RUVBL1: variants seen among roughly 807,000 people sequenced by gnomAD.
RUVBL1 encodes RuvB like AAA ATPase 1.
A neutral mutation model predicts 52.4 loss-of-function variants in RUVBL1; 4 were observed. The observed-to-expected ratio is 0.08, with a 90% confidence interval of 0.04 to 0.17. The LOEUF (loss-of-function observed/expected upper bound fraction) is 0.17. RUVBL1 is among the 10% of genes least tolerant of loss of function. The probability of loss-of-function intolerance (pLI) is 1.00; values close to 1 mark genes in which losing one functional copy is unlikely to be tolerated. For missense variants in RUVBL1, 298 were observed against 572.8 expected, an observed-to-expected ratio of 0.52 and a Z score of 4.90; for synonymous variants, 217 against 214.4, an observed-to-expected ratio of 1.01 and a Z score of -0.10.
At chr3:128,138,024 G>T (rs1328038969) in intron 1 of RUVBL1, among the ~76,000 whole-genome samples, 6 of 152,038 alleles carry the variant, frequency 3.9e-5, no homozygotes, top group Non-Finnish European at 8.8e-5. Context: ...AAAAAACTTG[G>T]CATAGAAGGA....
chr3:128,092,603 G>C (rs1053093564), intron 8 of RUVBL1, among the ~76,000 whole-genome samples: 1 of 152,004 alleles, frequency 6.6e-6, no homozygotes, highest in Non-Finnish European at 1.5e-5. Context: ...ATGAAAAGAC[G>C]CTCAACATCC....
chr3:128,113,446 G>C (rs931553919), intron 2 of RUVBL1, among the ~76,000 whole-genome samples: 5 of 152,264 alleles, frequency 3.3e-5, no homozygotes, highest in African/African-American at 9.6e-5. Context: ...ATCATAATTA[G>C]AAGAGTCTAC....
At chr3:128,129,687 A>C (rs962949207) in intron 1 of RUVBL1, among the ~76,000 whole-genome samples, 4 of 152,240 alleles carry the variant, frequency 2.6e-5, no homozygotes, top group African/African-American at 7.2e-5. Context: ...AATATTATTA[A>C]GCCCTAAAAA....
At chr3:128,097,813 A>G (rs377720319) in intron 7 of RUVBL1, among the ~76,000 whole-genome samples, 17 of 152,250 alleles carry the variant, frequency 1.1e-4, no homozygotes, top group African/African-American at 4.1e-4. Context: ...CACACTCCCT[A>G]CCATGCCTTA....
intron 1 of RUVBL1, among the ~76,000 whole-genome samples, chr3:128,145,490 C>T (rs781385503): frequency 3.0e-4 from 46 of 152,224 alleles, no homozygotes; most frequent in Non-Finnish European, 5.6e-4. Flanking sequence ...AATCCAGCCC[C>T]CAGAGGTCTG....
chr3:128,091,260 C>T (rs1295727357), intron 8 of RUVBL1, among the ~76,000 whole-genome samples: 24 of 126,204 alleles, frequency 1.9e-4, no homozygotes, highest in African/African-American at 6.5e-4. Flanking sequence ...GTGCCAGCAG[C>T]GGTGCTAGGC....
At chr3:128,121,509 A>C (rs2107718586) in intron 1 of RUVBL1, among the ~76,000 whole-genome samples, 1 of 151,234 alleles carries the variant, frequency 6.6e-6, no homozygotes, top group South Asian at 2.1e-4. Flanking sequence ...CAGGAGTTCA[A>C]GACCAGCCTG....
chr3:128,114,810 G>A (rs767660875), intron 2 of RUVBL1, among the ~76,000 whole-genome samples: 5 of 151,242 alleles, frequency 3.3e-5, no homozygotes, highest in Non-Finnish European at 7.4e-5. Context: ...GACTCCCCGT[G>A]GGGCCACAGG....
chr3:128,078,479 C>T (rs1425075259), downstream of RUVBL1, among the ~76,000 whole-genome samples: 1 of 152,166 alleles, frequency 6.6e-6, no homozygotes, highest in East Asian at 1.9e-4. Flanking sequence ...GGAGACAGGG[C>T]GCTGGGATTT....
chr3:128,096,486 C>T (rs1371028145), intron 8 of RUVBL1, among the ~76,000 whole-genome samples: 8 of 151,960 alleles, frequency 5.3e-5, no homozygotes. Context: ...AAGAGTGGAG[C>T]GGGAGGATGG....
chr3:128,086,737 G>C lies in RUVBL1; in HGVS notation c.1119+969C>G, dbSNP rs182757247. Among the ~76,000 whole-genome samples the C allele has an allele frequency of 5.3e-5, 8 of 152,362 alleles. No homozygotes were observed. The East Asian group carries it at 1.5e-3, about 29-fold the overall frequency. ...ATGGAATACCTGGAAATACCATGAA[G>C]GTGACTAGAAATTCCTAGTCCAATG... On this transcript the variant is annotated intron_variant, in intron 9 of 10. Coordinates refer to ENST00000322623, the MANE Select transcript of RUVBL1 (RefSeq NM_003707.3).
At position 128,082,458 on chromosome 3, in the gene RUVBL1, C is replaced by G. The variant is rs775465312; in HGVS notation, c.1211+25G>C. The G allele has an allele frequency of 1.9e-6, 3 of 1,593,186 alleles. No homozygotes were observed. Among genetic ancestry groups the G allele is most frequent in the African/African-American group, 2.7e-5 (2 of 74,452 alleles). On this transcript the variant is annotated intron_variant, in intron 10 of 10. Transcript: ENST00000322623. The surrounding 1 kb of genome is among the most constrained non-coding windows in gnomAD (Gnocchi z 4.7). Reference sequence around the variant, plus strand: ...GGCCCTGGCTGTGCTGGGGAGGCCCCGGCGGGCCCAGGGTACCAGCTCACC... The same window carrying G: ...GGCCCTGGCTGTGCTGGGGAGGCCCGGGCGGGCCCAGGGTACCAGCTCACC...
chr3:128,152,586 G>C (rs569539081), intron 1 of RUVBL1, among the ~76,000 whole-genome samples: 1 of 152,066 alleles, frequency 6.6e-6, no homozygotes, highest in East Asian at 1.9e-4. Context: ...TAATATTAGC[G>C]GGCACTGTAG....
upstream of RUVBL1, among the ~76,000 whole-genome samples, chr3:128,125,483 G>A (rs1198478557): frequency 1.3e-5 from 2 of 152,104 alleles, no homozygotes; most frequent in Admixed American, 6.5e-5. Context: ...ACATTTGATT[G>A]TTTACCATTT....
In RUVBL1 at chr3:128,112,831, G is replaced by A. The variant is rs192708772; in HGVS notation, c.361+57C>T. 2.2e-4 allele frequency: 340 copies of A among 1,578,754 alleles called. No homozygotes were observed. In the Middle Eastern group the frequency reaches 2.6e-3, roughly 12 times the overall value. On this transcript the variant is annotated intron_variant, in intron 3 of 10. Transcript: ENST00000322623. ...GGCATCTTCACCACAAAGAGGCTTC[G>A]GTGCACAGGCTTCAGGAAGTGAGAC...
At chr3:128,117,127 C>T (rs1559826112) in intron 2 of RUVBL1, among the ~76,000 whole-genome samples, 1 of 151,724 alleles carries the variant, frequency 6.6e-6, no homozygotes, top group African/African-American at 2.4e-5. Flanking sequence ...CCAAACTTTT[C>T]AAAATGAAAA....
At position 128,121,710 on chromosome 3, in the gene RUVBL1, CAAA is replaced by C. The variant is rs558813738; in HGVS notation, c.141+1871_141+1873del. On this transcript the variant is annotated intron_variant, in intron 1 of 10. Transcript: ENST00000322623. ...GGGCAACAAGAGCAAAACTTCGTCT[CAAA>C]AAAAAAAAAAAAAAAAAAAAACTAC... Among the ~76,000 whole-genome samples the C allele has an allele frequency of 2.4e-3, 265 of 108,776 alleles. 1 individual carries two copies. Among genetic ancestry groups the C allele is most frequent in the South Asian group, 0.019 (62 of 3,182 alleles). The allele number at this position is 108,776 out of a possible 152,430, so 71.4% of individuals were successfully genotyped here.
Position 128,118,943 on chromosome 3 carries a change from C to T in RUVBL1, c.228+385G>A, listed in dbSNP as rs181002306. On this transcript the variant is annotated intron_variant, in intron 2 of 10. Coordinates refer to ENST00000322623, the MANE Select transcript of RUVBL1 (RefSeq NM_003707.3). The stretch of plus-strand genomic sequence containing the variant: ...CTCCCACACAGCCACAATAGCGATG[C>T]GTAAAGCTAGCATTTGGAAGAATGC... Among the ~76,000 whole-genome samples, 1,137 of 152,238 alleles carry T rather than the reference C, an allele frequency of 7.5e-3. 16 individuals are homozygous for T. Among genetic ancestry groups the T allele is most frequent in the South Asian group, 0.044 (214 of 4,822 alleles).
chr3:128,119,746 G>T (rs1236997214), intron 1 of RUVBL1, among the ~76,000 whole-genome samples: 2 of 152,212 alleles, frequency 1.3e-5, no homozygotes, highest in Admixed American at 6.5e-5. Context: ...AATTTGATAT[G>T]TGAACCTCTG....
Sources: gnomAD v4.1 joint callset for allele counts (sites outside exome capture counted in the v4.1 genomes callset) on GRCh38, gnomAD v4.1.1 for gene constraint, Gnocchi (gnomAD v3.1) non-coding constraint, MANE v1.5 for transcripts, NCBI Gene and HGNC (gene_info 2026-07-23, HGNC 2026-07-21) for gene names.